The following PSMB3 variants were observed in gnomAD, a reference collection of about 807,000 sequenced individuals.
The protein encoded by PSMB3 is proteasome 20S subunit beta 3, also known as proteasome subunit beta type-3.
Under a neutral mutation model 23.3 loss-of-function variants are expected in PSMB3, and 5 were observed. That is an observed-to-expected ratio of 0.21 (90% CI 0.11 to 0.45). PSMB3 has a LOEUF of 0.45. Ranked by LOEUF, PSMB3 falls within the 20% of genes least tolerant of loss-of-function variation. The probability of loss-of-function intolerance (pLI) is 0.99; values close to 1 mark genes in which losing one functional copy is unlikely to be tolerated. For missense variants in PSMB3, 192 were observed against 277.9 expected, an observed-to-expected ratio of 0.69 and a Z score of 2.20; for synonymous variants, 85 against 99.8, an observed-to-expected ratio of 0.85 and a Z score of 0.88.
chr17:38,762,323 A>G (rs1908476668), intron 4 of PSMB3, 88 bp from the exon 5 acceptor site: 1 of 1,119,456 alleles, frequency 8.9e-7, no homozygotes, highest in Admixed American at 1.8e-5. Context: ...AGAGCTGGGA[A>G]TCTTGAGCCT....
chr17:38,757,846 A>G (rs1598032196), intron 3 of PSMB3, among the ~76,000 whole-genome samples: 1 of 151,254 alleles, frequency 6.6e-6, no homozygotes, highest in Non-Finnish European at 1.5e-5. Context: ...AGTAGAGACA[A>G]GGTTTCATCA....
chr17:38,759,422 C>T (rs950209839), intron 3 of PSMB3, among the ~76,000 whole-genome samples: 1 of 152,142 alleles, frequency 6.6e-6, no homozygotes, highest in African/African-American at 2.4e-5. Context: ...ATAGTTTCCA[C>T]TGAATGCCTG....
intron 3 of PSMB3, among the ~76,000 whole-genome samples, chr17:38,758,802 T>G (rs1908316656): frequency 6.6e-6 from 1 of 152,192 alleles, no homozygotes; most frequent in South Asian, 2.1e-4. Flanking sequence ...ATCCCAGCAC[T>G]TTGGGAGGCC....
At position 38,752,834 on chromosome 17, in the gene PSMB3, G is replaced by A. The variant is rs1408376952; in HGVS notation, c.3+5G>A. 7.4e-6 allele frequency: 12 copies of A among 1,614,122 alleles called. No individual in the cohort carries two copies. In the East Asian group the frequency reaches 2.5e-4, roughly 33 times the overall value. ...TCCTAGTACACCGCAATCATGGTGA[G>A]ATGGGGAGTTAAAGCAAAGGGGCAT... On this transcript the variant is annotated splice_donor_5th_base_variant and intron_variant, in intron 1 of 5. Transcript: ENST00000619426. The surrounding 1 kb of genome is among the most constrained non-coding windows in gnomAD (Gnocchi z 5.5).
At position 38,764,023 on chromosome 17, in the gene PSMB3, A is replaced by G. The variant is rs979889361; in HGVS notation, c.570-96A>G. 3 of 1,450,318 alleles carry G rather than the reference A, an allele frequency of 2.1e-6. No homozygotes were observed. The African/African-American group carries it at 4.2e-5, about 20-fold the overall frequency. The allele number at this position is 1,450,318 out of a possible 1,614,324, so 89.8% of individuals were successfully genotyped here. ...GCTATTTGTTCTGCTCCCTTGCCGC[A>G]GGGCTTGAGGGCTTGGTGCTGAGGG... On this transcript the variant is annotated intron_variant, in intron 5 of 5. Transcript: ENST00000619426.
chr17:38,756,697 T>C (rs1381069218), intron 3 of PSMB3, among the ~76,000 whole-genome samples: 1 of 152,078 alleles, frequency 6.6e-6, no homozygotes, highest in Non-Finnish European at 1.5e-5. Context: ...AGTTTCAACA[T>C]GTGGGTCAGG....
intron 3 of PSMB3, 77 bp from the exon 4 acceptor site, chr17:38,760,354 C>G (rs927535340): frequency 1.3e-6 from 2 of 1,517,818 alleles, no homozygotes; most frequent in African/African-American, 2.8e-5. Flanking sequence ...TAGGCCGGGG[C>G]CTTGTCTGAA....
At chr17:38,757,955 A>G (rs919609668) in intron 3 of PSMB3, among the ~76,000 whole-genome samples, 5 of 152,152 alleles carry the variant, frequency 3.3e-5, no homozygotes, top group African/African-American at 1.2e-4. Context: ...CGCCCAGCCA[A>G]CGAAAAAAAA....
intron 2 of PSMB3, 61 bp from the exon 3 acceptor site, chr17:38,755,822 C>A (rs967687134): frequency 1.1e-5 from 16 of 1,414,498 alleles, no homozygotes; most frequent in Non-Finnish European, 1.4e-5. Context: ...CTGACCTCAA[C>A]AGGGTAGACA....
rs1207952481 is a variant in PSMB3, at chr17:38,755,678, A to ATGTG, written c.189-204_189-203insGTGT. 1.5e-3 allele frequency among the ~76,000 whole-genome samples: 156 copies of ATGTG among 107,070 alleles called. 1 individual carries two copies. The highest frequency in any genetic ancestry group is 3.7e-3 in the African/African-American group (98 of 26,278). 70.2% of individuals were successfully genotyped at this position (107,070 alleles called of 152,430 possible). A position where few individuals can be genotyped will look rare whatever the true frequency, so the allele number is the denominator to read the frequency against. Reference sequence around the variant, plus strand: ...AAAAAAAATATATATATATATATATATATATGTGTGTGTGTGTGTGTGTGT... The same window carrying ATGTG: ...AAAAAAAATATATATATATATATATATGTGTATATGTGTGTGTGTGTGTGTGTGT... On this transcript the variant is annotated intron_variant, in intron 2 of 5. Coordinates refer to ENST00000619426, the MANE Select transcript of PSMB3 (RefSeq NM_002795.4).
At position 38,752,878 on chromosome 17, in the gene PSMB3, G is replaced by A. The variant is rs375213278; in HGVS notation, c.3+49G>A. The stretch of plus-strand genomic sequence containing the variant: ...GGGGCATGGGGAAGGATTGAGAAGC[G>A]GAGGGGGTCAGGAGAGGCTTGGGGA... On this transcript the variant is annotated intron_variant, in intron 1 of 5. Coordinates refer to ENST00000619426, the MANE Select transcript of PSMB3 (RefSeq NM_002795.4). This position sits in a 1 kb window ranked among gnomAD's most constrained non-coding sequence, Gnocchi z 5.5. The A allele has an allele frequency of 8.1e-6, 13 of 1,612,458 alleles. No homozygotes were observed. The highest frequency in any genetic ancestry group is 1.1e-5 in the Non-Finnish European group (13 of 1,179,062).
Position 38,755,953 on chromosome 17 carries a change from C to G in PSMB3, c.259C>G (p.Leu87Val), listed in dbSNP as rs771796105. Reference protein sequence around the residue: ...KEGRQIKPYTLMSMVANLLYE... With the variant: ...KEGRQIKPYTVMSMVANLLYE... Reference sequence around the variant, plus strand: ...AGGTCGGCAGATCAAACCTTATACCCTCATGAGCATGGTGGCCAACCTCTT... The same window carrying G: ...AGGTCGGCAGATCAAACCTTATACCGTCATGAGCATGGTGGCCAACCTCTT... The change falls in exon 3 of 6, where the codon CTC becomes GTC. Residue 87 changes from leucine (L) to valine (V), a missense_variant. Coordinates refer to ENST00000619426, the MANE Select transcript of PSMB3 (RefSeq NM_002795.4). 13 of 1,614,012 alleles carry G rather than the reference C, an allele frequency of 8.1e-6. No homozygotes were observed. The highest frequency in any genetic ancestry group is 1.0e-5 in the Non-Finnish European group (12 of 1,180,024).
At position 38,752,803 on chromosome 17, in the gene PSMB3, G is replaced by T. The variant is rs749453155; in HGVS notation, c.-24G>T. On this transcript the variant is annotated 5_prime_UTR_variant, in exon 1 of 6. Transcript: ENST00000619426. The surrounding 1 kb of genome is among the most constrained non-coding windows in gnomAD (Gnocchi z 5.5). ...GTTTACTGGAATTGCTCTGGCGATCGAGGGATCCTAGTACACCGCAATCAT... is the reference window on the plus strand; with the variant it reads ...GTTTACTGGAATTGCTCTGGCGATCTAGGGATCCTAGTACACCGCAATCAT... 1.9e-6 allele frequency: 3 copies of T among 1,614,148 alleles called. No homozygotes were observed. Among genetic ancestry groups the T allele is most frequent in the African/African-American group, 1.3e-5 (1 of 75,048 alleles).
chr17:38,762,060 G>T, intron 4 of PSMB3: 1 of 230,380 alleles, frequency 4.3e-6, no homozygotes, highest in South Asian at 8.8e-5. Context: ...CAGGATCAGA[G>T]CCCATCAGAC....
intron 3 of PSMB3, among the ~76,000 whole-genome samples, chr17:38,759,659 C>T (rs1263372512): frequency 6.6e-6 from 1 of 152,088 alleles, no homozygotes; most frequent in Non-Finnish European, 1.5e-5. Flanking sequence ...ATTCTCCTGC[C>T]TCAGCCTCCT....
chr17:38,763,926 C>CA (rs534265168), intron 5 of PSMB3, among the ~76,000 whole-genome samples, 193 bp from the exon 6 acceptor site: 72 of 152,346 alleles, frequency 4.7e-4, no homozygotes, highest in African/African-American at 1.6e-3. Flanking sequence ...CCTCCTTCCT[C>CA]ACCACAGGCG....
At chr17:38,756,596 A>G (rs1490347009) in intron 3 of PSMB3, among the ~76,000 whole-genome samples, 4 of 151,868 alleles carry the variant, frequency 2.6e-5, no homozygotes, top group Non-Finnish European at 5.9e-5. Flanking sequence ...CCCAGGTTCA[A>G]TCGATTCTTC....
In PSMB3 at chr17:38,760,501, T is replaced by C; in HGVS notation, c.367T>C (p.Ser123Pro). 1 of 1,614,248 alleles carries C rather than the reference T, an allele frequency of 6.2e-7. No homozygotes were observed. The highest frequency in any genetic ancestry group is 8.5e-7 in the Non-Finnish European group (1 of 1,180,044). ...DPKTFKPFIC[S>P]LDLIGCPMVT... ...GAAGACCTTTAAGCCCTTCATTTGC[T>C]CTCTAGACCTCATCGGCTGCCCCAT... The change falls in exon 4 of 6, where the codon TCT (serine) becomes CCT (proline). Residue 123 changes from serine (S) to proline (P), a missense_variant. Coordinates refer to ENST00000619426, the MANE Select transcript of PSMB3 (RefSeq NM_002795.4).
chr17:38,764,154 C>T lies in PSMB3; in HGVS notation c.605C>T (p.Ala202Val). 1 of 1,614,170 alleles carries T rather than the reference C, an allele frequency of 6.2e-7. No homozygotes were observed. Among genetic ancestry groups the T allele is most frequent in the Non-Finnish European group, 8.5e-7 (1 of 1,180,006 alleles). ...KDKITTRTLK[A>V]RMD ...AAAATCACCACCAGGACACTGAAGG[C>T]CCGAATGGACTAACCCTGTTCCCAG... Residue 202 changes from alanine to valine, a missense_variant, in exon 6 of 6, where the codon GCC becomes GTC. Physicochemically the swap from Ala to Val is moderately conservative, Grantham distance 64. Transcript: ENST00000619426.
Sources: allele counts gnomAD v4.1 joint callset (sites outside exome capture counted in the v4.1 genomes callset), GRCh38; gene constraint gnomAD v4.1.1; non-coding constraint Gnocchi (gnomAD v3.1); transcripts MANE v1.5; gene names NCBI Gene and HGNC (gene_info 2026-07-23, HGNC 2026-07-21).